The following RAPGEF2 variants were observed in gnomAD, a reference collection of about 807,000 sequenced individuals.
RAPGEF2 encodes PDZ domain containing guanine nucleotide exchange factor (GEF) 1.
A neutral mutation model predicts 186.7 loss-of-function variants in RAPGEF2; 54 were observed. The ratio of observed to expected loss-of-function variants is 0.29; its 90% CI spans 0.23 to 0.36. RAPGEF2 has a LOEUF of 0.36. Among genes scored for constraint, RAPGEF2 ranks in the 10% least tolerant of loss-of-function variants. RAPGEF2 has a pLI of 1.00. For synonymous variants in RAPGEF2, 712 were observed against 705.9 expected (o/e 1.01, Z -0.14); for missense variants, 1,532 against 2,045.0 (o/e 0.75, Z 4.84).
At position 159,254,484 on chromosome 4, in the gene RAPGEF2, T is replaced by TA. The variant is rs367700348; in HGVS notation, c.543+10694dup. Among the ~76,000 whole-genome samples the TA allele has an allele frequency of 4.3e-3, 650 of 152,106 alleles. 9 individuals carry two copies. The highest frequency in any genetic ancestry group is 0.015 in the African/African-American group (605 of 41,468). The stretch of plus-strand genomic sequence containing the variant: ...TTCAGATTTTATTTGCATAATATAA[T>TA]AGAGTTCTGCAAATAAACAGAACCA... On this transcript the variant is annotated intron_variant, in intron 7 of 29. Coordinates refer to ENST00000691494, the MANE Select transcript of RAPGEF2 (RefSeq NM_001394067.2).
chr4:159,174,250 G>GTT (rs1218747316), intron 1 of RAPGEF2, among the ~76,000 whole-genome samples: 1 of 152,198 alleles, frequency 6.6e-6, no homozygotes, highest in African/African-American at 2.4e-5. Context: ...ATAACACCCA[G>GTT]TTGGTAATCA....
chr4:159,106,399 T>C (rs964649790), intron 1 of RAPGEF2, among the ~76,000 whole-genome samples: 15 of 152,302 alleles, frequency 9.8e-5, no homozygotes, highest in African/African-American at 3.6e-4. Context: ...AATTTGAAAT[T>C]TACTCAAAAA....
chr4:159,182,427 A>ACT (rs1470050689), intron 1 of RAPGEF2, among the ~76,000 whole-genome samples: 1 of 114,312 alleles, frequency 8.7e-6, no homozygotes, highest in African/African-American at 3.4e-5. Context: ...ACAGAGTCTC[A>ACT]CTCTGTTGCC....
chr4:159,142,501 G>A (rs980408201), intron 1 of RAPGEF2, among the ~76,000 whole-genome samples: 1 of 150,314 alleles, frequency 6.7e-6, no homozygotes, highest in African/African-American at 2.4e-5. Flanking sequence ...TGACTTACCA[G>A]AATACTTCAT....
At chr4:159,328,636 TA>T (rs1159368352) in intron 11 of RAPGEF2, 2 of 152,152 alleles carry the variant, frequency 1.3e-5, no homozygotes, top group Non-Finnish European at 2.9e-5. Flanking sequence ...TGCTCAGAAA[TA>T]ATATTAACAG....
At chr4:159,333,301 G>A (rs1337566560) in intron 17 of RAPGEF2, among the ~76,000 whole-genome samples, 6 of 152,182 alleles carry the variant, frequency 3.9e-5, no homozygotes, top group East Asian at 1.9e-4. Flanking sequence ...TTTTAAAAGC[G>A]TGTGTTTGCC....
At chr4:159,299,934 T>C (rs1265042624) in intron 7 of RAPGEF2, among the ~76,000 whole-genome samples, 2 of 151,964 alleles carry the variant, frequency 1.3e-5, no homozygotes, top group East Asian at 3.9e-4. Context: ...AAACTACAAT[T>C]AGTTTTAGGT....
intron 7 of RAPGEF2, among the ~76,000 whole-genome samples, 181 bp from the exon 8 acceptor site, chr4:159,304,161 T>A (rs1013752877): frequency 3.0e-4 from 46 of 152,214 alleles, no homozygotes; most frequent in African/African-American, 1.1e-3. Context: ...TCATACACTT[T>A]AAAAATTATT....
chr4:159,141,079 A>G (rs1301895970), intron 1 of RAPGEF2, among the ~76,000 whole-genome samples: 1 of 152,160 alleles, frequency 6.6e-6, no homozygotes, highest in African/African-American at 2.4e-5. Context: ...TATTATAGGC[A>G]TGAGATGCTG....
rs774705134 is a variant in RAPGEF2, at chr4:159,350,118, T to G, written c.3713-19T>G. Reference sequence around the variant, plus strand: ...AGACTTGAAAATACATATTTAAGGTTTTTTTTTTTCCATTATAGGCATAAA... The same window carrying G: ...AGACTTGAAAATACATATTTAAGGTGTTTTTTTTTCCATTATAGGCATAAA... On this transcript the variant is annotated intron_variant, in intron 25 of 29. Transcript: ENST00000691494. The G allele has an allele frequency of 3.5e-5, 45 of 1,302,016 alleles. 1 individual carries two copies. The highest frequency in any genetic ancestry group is 3.9e-4 in the Middle Eastern group (2 of 5,176). The allele number at this position is 1,302,016 out of a possible 1,614,324, so 80.7% of individuals were successfully genotyped here. A position where few individuals can be genotyped will look rare whatever the true frequency, so the allele number is the denominator to read the frequency against.
chr4:159,243,710 A>G (rs953922468), intron 6 of RAPGEF2, 64 bp from the exon 7 acceptor site: 87 of 1,075,416 alleles, frequency 8.1e-5, no homozygotes, highest in Non-Finnish European at 1.1e-4. Flanking sequence ...GTAATATAGC[A>G]TGTCTGATAA....
chr4:159,248,100 CTAAT>C (rs1237414595), intron 7 of RAPGEF2, among the ~76,000 whole-genome samples: 3 of 152,112 alleles, frequency 2.0e-5, no homozygotes, highest in Non-Finnish European at 4.4e-5. Context: ...TTAAATAGCT[CTAAT>C]TCATTAATTT....
At chr4:159,157,588 G>A (rs1201877528) in intron 1 of RAPGEF2, among the ~76,000 whole-genome samples, 2 of 152,110 alleles carry the variant, frequency 1.3e-5, no homozygotes, top group African/African-American at 4.8e-5. Flanking sequence ...AAAAGAACAT[G>A]TTTTACAGGA....
At chr4:159,242,394 A>T (rs567618199) in intron 6 of RAPGEF2, among the ~76,000 whole-genome samples, 5 of 152,008 alleles carry the variant, frequency 3.3e-5, no homozygotes, top group Admixed American at 2.0e-4. Flanking sequence ...TACAAAATGC[A>T]TGGGAAAAAT....
rs1753615455 is a variant in RAPGEF2, at chr4:159,238,899, G to A, written c.357+15G>A. On this transcript the variant is annotated intron_variant, in intron 5 of 29. Transcript: ENST00000691494. ...AAATGATTGTGGTAAGAGTATTTCT[G>A]TGAGGACTATTTTTCCCCTAAAAAA... is the stretch of plus-strand genomic sequence containing the variant. 2 of 1,452,718 alleles carry A rather than the reference G, an allele frequency of 1.4e-6. No individual in the cohort carries two copies. The highest frequency in any genetic ancestry group is 1.8e-6 in the Non-Finnish European group (2 of 1,109,624). 90.0% of individuals were successfully genotyped at this position (1,452,718 alleles called of 1,614,324 possible).
intron 9 of RAPGEF2, among the ~76,000 whole-genome samples, chr4:159,318,924 A>G (rs1764918758): frequency 6.6e-6 from 1 of 152,106 alleles, no homozygotes. Flanking sequence ...TTTTTCCATA[A>G]ACGTTAGATA....
rs748102600 is a variant in RAPGEF2, at chr4:159,138,331, TA to T, written c.69+34103del. On this transcript the variant is annotated intron_variant, in intron 1 of 29. Transcript: ENST00000691494. ...CTTTTTGATAGAAAGTAGAAAAGTA[TA>T]AAGCTCATATTTTAGTGTTTCCAAG... 8.5e-5 allele frequency among the ~76,000 whole-genome samples: 13 copies of T among 152,354 alleles called. No homozygotes were observed. The East Asian group carries it at 1.2e-3, about 14-fold the overall frequency.
chr4:159,298,154 A>G (rs1200559427), intron 7 of RAPGEF2, among the ~76,000 whole-genome samples: 1 of 152,210 alleles, frequency 6.6e-6, no homozygotes, highest in Non-Finnish European at 1.5e-5. Context: ...CTGTAGTTTA[A>G]TCAGAAAAAC....
rs1423803591 is a variant in RAPGEF2, at chr4:159,111,954, A to G, written c.69+7723A>G. Reference sequence around the variant, plus strand: ...AAACAAAGCAATTCCAGCACCACAAATGGTTCTTGTTGGACTTTTATAGCC... The same window carrying G: ...AAACAAAGCAATTCCAGCACCACAAGTGGTTCTTGTTGGACTTTTATAGCC... On this transcript the variant is annotated intron_variant, in intron 1 of 29. Coordinates refer to ENST00000691494, the MANE Select transcript of RAPGEF2 (RefSeq NM_001394067.2). 3.7e-4 allele frequency among the ~76,000 whole-genome samples: 56 copies of G among 152,112 alleles called. 1 individual carries two copies.
Sources: allele counts gnomAD v4.1 joint callset (sites outside exome capture counted in the v4.1 genomes callset), GRCh38; gene constraint gnomAD v4.1.1; transcripts MANE v1.5; gene names NCBI Gene and HGNC (gene_info 2026-07-23, HGNC 2026-07-21).